Variants in NCAPH observed in about 807,000 individuals in gnomAD.
NCAPH encodes the protein condensin complex subunit 2.
In NCAPH, 38 loss-of-function variants were observed where a neutral mutation model predicts 85.5. The observed-to-expected ratio is 0.44, with a 90% CI of 0.34 to 0.58. NCAPH has a LOEUF of 0.58. Among genes scored for constraint, NCAPH ranks in the 20% least tolerant of loss-of-function variants. The pLI, the probability that NCAPH is intolerant of heterozygous loss-of-function variation, is 0.01. For missense variants in NCAPH, 789 were observed against 916.6 expected (o/e 0.86, Z 1.80); for synonymous variants, 301 against 335.1 (o/e 0.90, Z 1.11).
At chr2:96,369,614 C>A in intron 17 of NCAPH, 114 bp downstream of exon 17, 1 of 1,100,394 alleles carries the variant, frequency 9.1e-7, no homozygotes, top group Non-Finnish European at 1.4e-6. Context: ...AATACAGTGA[C>A]TTATGTAGCA....
intron 17 of NCAPH, among the ~76,000 whole-genome samples, chr2:96,370,446 A>G (rs2064757759): frequency 6.6e-6 from 1 of 152,224 alleles, no homozygotes; most frequent in Non-Finnish European, 1.5e-5. Context: ...AGGATTTCCT[A>G]CATGCCAACA....
chr2:96,366,644 C>A (rs1318326750), intron 14 of NCAPH, among the ~76,000 whole-genome samples: 1 of 151,960 alleles, frequency 6.6e-6, no homozygotes, highest in Admixed American at 6.6e-5. Context: ...TTTGGGAGGC[C>A]AAGGCGGGCA....
In NCAPH at chr2:96,369,149, C is replaced by G. The variant is rs1320470490; in HGVS notation, c.2090+86C>G. On this transcript the variant is annotated intron_variant, in intron 16 of 17. Coordinates refer to ENST00000240423, the MANE Select transcript of NCAPH (RefSeq NM_015341.5). ...CAGGCCTTCCACACACAACCTGTTT[C>G]CTATGACATTTATAGTGGCTGTTCT... 1.8e-5 allele frequency: 24 copies of G among 1,308,610 alleles called. 1 individual carries two copies. In the South Asian group the frequency reaches 2.6e-4, roughly 14 times the overall value. The allele number at this position is 1,308,610 out of a possible 1,614,324, so 81.1% of individuals were successfully genotyped here. A position where few individuals can be genotyped will look rare whatever the true frequency, so the allele number is the denominator to read the frequency against.
In NCAPH at chr2:96,376,594, G is replaced by C. The variant is rs919088635; in HGVS notation, c.*3243G>C. Reference sequence around the variant, plus strand: ...ACTATAGTGGATCACAGGCAGAGTGGGGCATTGTTCCCCTTCTTAGCACAG... The same window carrying C: ...ACTATAGTGGATCACAGGCAGAGTGCGGCATTGTTCCCCTTCTTAGCACAG... On this transcript the variant is annotated 3_prime_UTR_variant, in exon 18 of 18. Coordinates refer to ENST00000240423, the MANE Select transcript of NCAPH (RefSeq NM_015341.5). Among the ~76,000 whole-genome samples, 1 of 152,142 alleles carries C rather than the reference G, an allele frequency of 6.6e-6. No homozygotes were observed. The highest frequency in any genetic ancestry group is 1.5e-5 in the Non-Finnish European group (1 of 68,030).
In NCAPH at chr2:96,375,577, A is replaced by C. The variant is rs986345277; in HGVS notation, c.*2226A>C. ...CCGGCGTCTTGATCTTGGACTTCTC[A>C]GCCTCTAGAACTGTGAACAATAAAT... On this transcript the variant is annotated 3_prime_UTR_variant, in exon 18 of 18. Coordinates refer to ENST00000240423, the MANE Select transcript of NCAPH (RefSeq NM_015341.5). Among the ~76,000 whole-genome samples the C allele has an allele frequency of 3.9e-5, 6 of 152,236 alleles. No homozygotes were observed. The highest frequency in any genetic ancestry group is 1.4e-4 in the African/African-American group (6 of 41,468).
chr2:96,364,500 G>T lies in NCAPH; in HGVS notation c.1607G>T (p.Gly536Val). 6.2e-7 allele frequency: 1 copy of T among 1,610,780 alleles called. No individual in the cohort carries two copies. Among genetic ancestry groups the T allele is most frequent in the Non-Finnish European group, 8.5e-7 (1 of 1,177,088 alleles). The change falls in exon 13 of 18, where the codon GGC becomes GTC. Residue 536 changes from glycine (G) to valine (V), a missense_variant. By Grantham distance (109) the Gly-to-Val change is moderately radical. Coordinates refer to ENST00000240423, the MANE Select transcript of NCAPH (RefSeq NM_015341.5). ...CTTTAGTTACTTAAGATGGCCCAGG[G>T]CCATAGGGTAGAGACTGAGCATTAT... The part of the protein sequence containing the change: ...PGTRLLKMAQ[G>V]HRVETEHYEE...
chr2:96,352,099 C>T, intron 7 of NCAPH, 79 bp downstream of exon 7: 1 of 1,353,296 alleles, frequency 7.4e-7, no homozygotes, highest in Non-Finnish European at 1.0e-6. Context: ...GTACAATAAG[C>T]CCATCATGCT....
At chr2:96,362,073 A>T (rs1020435237) in intron 12 of NCAPH, among the ~76,000 whole-genome samples, 4 of 151,248 alleles carry the variant, frequency 2.6e-5, no homozygotes, top group African/African-American at 9.7e-5. Context: ...ACTAACCAAG[A>T]TATGTTTTTC....
rs1344836389 is a variant in NCAPH, at chr2:96,373,545, A to G, written c.*194A>G. On this transcript the variant is annotated 3_prime_UTR_variant, in exon 18 of 18. Transcript: ENST00000240423. ...CCAGCGCCCTGAAGCTCCGTGCTCA[A>G]CTGATTAAACTTTACTGCCCTATGG... is the stretch of plus-strand genomic sequence containing the variant. 7.1e-6 allele frequency: 4 copies of G among 567,148 alleles called. No homozygotes were observed. In the Admixed American group the frequency reaches 9.4e-5, roughly 13 times the overall value. 35.1% of individuals were successfully genotyped at this position (567,148 alleles called of 1,614,324 possible). A position where few individuals can be genotyped will look rare whatever the true frequency, so the allele number is the denominator to read the frequency against.
At chr2:96,352,060 A>T in intron 7 of NCAPH, 40 bp downstream of exon 7, 1 of 1,540,800 alleles carries the variant, frequency 6.5e-7, no homozygotes, top group Non-Finnish European at 8.8e-7. Flanking sequence ...CATTTCAGTC[A>T]TTGGGGAATT....
At chr2:96,367,011 G>T (rs568938994) in intron 14 of NCAPH, among the ~76,000 whole-genome samples, 1 of 151,568 alleles carries the variant, frequency 6.6e-6, no homozygotes, top group Non-Finnish European at 1.5e-5. Flanking sequence ...CTGGAGAATC[G>T]CTTGAACCCA....
chr2:96,369,653 C>G (rs1176847174), intron 17 of NCAPH, 153 bp downstream of exon 17: 1 of 265,832 alleles, frequency 3.8e-6, no homozygotes, highest in Non-Finnish European at 5.8e-6. Flanking sequence ...AGCCAGGCAT[C>G]TAGAAGTAAC....
intron 15 of NCAPH, among the ~76,000 whole-genome samples, chr2:96,367,608 G>A (rs578072853): frequency 2.6e-5 from 4 of 152,246 alleles, no homozygotes; most frequent in Admixed American, 6.5e-5. Flanking sequence ...TGATATGATC[G>A]TACCACTACA....
chr2:96,361,820 A>ATG (rs1558800343), intron 12 of NCAPH, among the ~76,000 whole-genome samples: 118 of 101,704 alleles, frequency 1.2e-3, no homozygotes, highest in Non-Finnish European at 1.9e-3. Flanking sequence ...ATATATATAT[A>ATG]TATATATATT....
chr2:96,359,227 A>C (rs769346409), intron 10 of NCAPH, 34 bp downstream of exon 10: 2 of 1,611,486 alleles, frequency 1.2e-6, no homozygotes, highest in African/African-American at 1.3e-5. Context: ...TAAGAAAAGA[A>C]GTAGTGTAGA....
Position 96,354,282 on chromosome 2 carries a change from TC to T in NCAPH, c.1105del (p.Leu369TrpfsTer38). 1 of 1,613,938 alleles carries T rather than the reference TC, an allele frequency of 6.2e-7. No individual in the cohort carries two copies. On this transcript the variant is annotated frameshift_variant, in exon 9 of 18. Transcript: ENST00000240423. LOFTEE classifies it high-confidence loss of function. ...TGACTGTGGAGACTTCCCCGATGGG[TC>T]CCTGGGGGATGACTTTGATGCCAAC... ...ESDCGDFPDG[S>X]LGDDFDANDE...
At chr2:96,370,236 G>A (rs544993804) in intron 17 of NCAPH, among the ~76,000 whole-genome samples, 1 of 152,350 alleles carries the variant, frequency 6.6e-6, no homozygotes, top group South Asian at 2.1e-4. Flanking sequence ...AGAGGGCTAT[G>A]GGCTGGGCCA....
Position 96,350,876 on chromosome 2 carries a change from G to A in NCAPH, c.721-955G>A, listed in dbSNP as rs556598033. Among the ~76,000 whole-genome samples the A allele has an allele frequency of 2.6e-5, 4 of 152,294 alleles. No homozygotes were observed. The South Asian group carries it at 6.2e-4, about 24-fold the overall frequency. ...ACCCAACCGTATCTCCTGTCTCAAG[G>A]TCACCTGCAGAGTCCCAGGGGGCTT... On this transcript the variant is annotated intron_variant, in intron 6 of 17. Transcript: ENST00000240423.
intron 6 of NCAPH, among the ~76,000 whole-genome samples, chr2:96,351,533 G>A (rs2104448881): frequency 6.6e-6 from 1 of 152,212 alleles, no homozygotes; most frequent in Non-Finnish European, 1.5e-5. Context: ...GCCAGATGTA[G>A]TGGTGCGTAC....
Sources: gnomAD v4.1 joint callset for allele counts (sites outside exome capture counted in the v4.1 genomes callset) on GRCh38, gnomAD v4.1.1 for gene constraint, MANE v1.5 for transcripts, NCBI Gene and HGNC (gene_info 2026-07-23, HGNC 2026-07-21) for gene names.